STK40: variants seen among roughly 807,000 people sequenced by gnomAD.
STK40 encodes serine/threonine kinase 40.
A neutral mutation model predicts 47.9 loss-of-function variants in STK40; 13 were observed. That is an observed-to-expected ratio of 0.27 (90% CI 0.18 to 0.43). The LOEUF is 0.43. Ranked by LOEUF, STK40 falls within the 20% of genes least tolerant of loss-of-function variation. The pLI, the probability that STK40 is intolerant of heterozygous loss-of-function variation, is 1.00. For missense variants in STK40, 460 were observed against 595.1 expected, an observed-to-expected ratio of 0.77 and a Z score of 2.36; for synonymous variants, 225 against 243.2, an observed-to-expected ratio of 0.93 and a Z score of 0.69.
At chr1:36,356,718 C>A (rs1209718565) in intron 4 of STK40, among the ~76,000 whole-genome samples, 3 of 152,148 alleles carry the variant, frequency 2.0e-5, no homozygotes, top group Non-Finnish European at 4.4e-5. Context: ...AGCTACCTCG[C>A]CCGGCCTCCA....
chr1:36,363,028 C>T (rs1230131900), intron 1 of STK40, among the ~76,000 whole-genome samples: 1 of 152,152 alleles, frequency 6.6e-6, no homozygotes, highest in Non-Finnish European at 1.5e-5. Context: ...TGGTGGTGCA[C>T]ACCTGTAATC....
At position 36,341,746 on chromosome 1, in the gene STK40, C is replaced by G. The variant is rs1265730281; in HGVS notation, c.*9G>C. The stretch of plus-strand genomic sequence containing the variant: ...GTGGCAGCAGTGCTGGTGGCCCCGG[C>G]TGAGGCTGTTATTTCCGCAGGTAGC... On this transcript the variant is annotated 3_prime_UTR_variant, in exon 11 of 11. Coordinates refer to ENST00000373132, the MANE Select transcript of STK40 (RefSeq NM_001282547.2). 6.2e-7 allele frequency: 1 copy of G among 1,609,498 alleles called. No individual in the cohort carries two copies. Among genetic ancestry groups the G allele is most frequent in the Non-Finnish European group, 8.5e-7 (1 of 1,178,082 alleles).
At chr1:36,348,602 C>G (rs1372214561) in intron 7 of STK40, 98 bp downstream of exon 7, 1 of 1,095,200 alleles carries the variant, frequency 9.1e-7, no homozygotes, top group African/African-American at 1.6e-5. Context: ...GAAGCCCCAG[C>G]ACCTTGCCCA....
chr1:36,382,396 C>T (rs1368218837), intron 1 of STK40, among the ~76,000 whole-genome samples: 1 of 152,094 alleles, frequency 6.6e-6, no homozygotes, highest in East Asian at 1.9e-4. Context: ...CCAGACTGGT[C>T]TTGAACTCCT....
At chr1:36,356,893 G>T (rs1212500231) in intron 4 of STK40, among the ~76,000 whole-genome samples, 10 of 152,084 alleles carry the variant, frequency 6.6e-5, no homozygotes, top group African/African-American at 2.4e-4. Context: ...AAAATACCAA[G>T]AAACCACAAT....
chr1:36,379,508 G>C (rs1485854352), intron 1 of STK40, among the ~76,000 whole-genome samples: 1 of 151,682 alleles, frequency 6.6e-6, no homozygotes, highest in Non-Finnish European at 1.5e-5. Context: ...AGCCTCCCGA[G>C]TAGCTGGGAC....
At chr1:36,383,512 A>G (rs999581506) in intron 1 of STK40, among the ~76,000 whole-genome samples, 1 of 152,222 alleles carries the variant, frequency 6.6e-6, no homozygotes, top group African/African-American at 2.4e-5. Context: ...CCATCGCCCC[A>G]GCACCAACTC....
chr1:36,376,802 ATT>A (rs775004601), intron 1 of STK40, among the ~76,000 whole-genome samples: 10 of 144,780 alleles, frequency 6.9e-5, no homozygotes, highest in Non-Finnish European at 9.2e-5. Flanking sequence ...TCTAGAAGAA[ATT>A]TTTTTTTTTT....
intron 10 of STK40, 71 bp downstream of exon 10, chr1:36,343,293 C>G: frequency 6.5e-7 from 1 of 1,530,642 alleles, no homozygotes; most frequent in Admixed American, 1.9e-5. Flanking sequence ...CACCTCTGCC[C>G]TTGCCCTGCC....
intron 1 of STK40, among the ~76,000 whole-genome samples, chr1:36,369,935 CA>C (rs1463376567): frequency 2.0e-5 from 3 of 152,220 alleles, no homozygotes; most frequent in African/African-American, 7.2e-5. Context: ...GTGTGATTCA[CA>C]GGAAAACTCT....
intron 1 of STK40, chr1:36,367,845 T>G: frequency 5.1e-6 from 5 of 985,564 alleles, no homozygotes; most frequent in Non-Finnish European, 6.0e-6. Context: ...TGCTGGCAAT[T>G]ACCTACTTGA....
chr1:36,352,831 T>C (rs1382224635), intron 6 of STK40, among the ~76,000 whole-genome samples: 1 of 152,200 alleles, frequency 6.6e-6, no homozygotes, highest in Non-Finnish European at 1.5e-5. Flanking sequence ...CTCCAGAGGG[T>C]AGTGGGAACC....
At chr1:36,382,336 T>C (rs976236612) in intron 1 of STK40, among the ~76,000 whole-genome samples, 7 of 152,052 alleles carry the variant, frequency 4.6e-5, no homozygotes, top group Non-Finnish European at 1.0e-4. Flanking sequence ...CGTATGACCA[T>C]GCCCAGCTAA....
chr1:36,353,385 G>C (rs1244073502), intron 6 of STK40, among the ~76,000 whole-genome samples: 2 of 152,168 alleles, frequency 1.3e-5, no homozygotes, highest in Non-Finnish European at 2.9e-5. Flanking sequence ...GACAGTGGTA[G>C]CACTGTCCCA....
At chr1:36,366,280 C>A (rs150288399) in intron 1 of STK40, among the ~76,000 whole-genome samples, 3 of 152,128 alleles carry the variant, frequency 2.0e-5, no homozygotes, top group Non-Finnish European at 1.5e-5. Flanking sequence ...TCTCAGGATT[C>A]GACTCAAGCA....
At position 36,355,447 on chromosome 1, in the gene STK40, G is replaced by A; in HGVS notation, c.343-14C>T. 1.2e-6 allele frequency: 2 copies of A among 1,613,886 alleles called. No homozygotes were observed. Among genetic ancestry groups the A allele is most frequent in the Non-Finnish European group, 1.7e-6 (2 of 1,179,790 alleles). On this transcript the variant is annotated splice_polypyrimidine_tract_variant and intron_variant, in intron 4 of 10. Transcript: ENST00000373132. ...ACAGGTGCGGTCCTGGGAGGCAAGG[G>A]GGTAGCGCAGGGCTTGGCTGTGAAC...
At chr1:36,373,833 G>T (rs1466937653) in intron 1 of STK40, among the ~76,000 whole-genome samples, 1 of 152,196 alleles carries the variant, frequency 6.6e-6, no homozygotes, top group East Asian at 1.9e-4. Flanking sequence ...GCACTTTATT[G>T]CCTTGGGGGT....
chr1:36,381,154 A>T (rs917346967), intron 1 of STK40, among the ~76,000 whole-genome samples: 1 of 152,088 alleles, frequency 6.6e-6, no homozygotes, highest in African/African-American at 2.4e-5. Context: ...CCTTGCTGGG[A>T]TTACTGCAAC....
At chr1:36,342,279 C>T (rs1057220208) in intron 10 of STK40, 32 of 401,846 alleles carry the variant, frequency 8.0e-5, no homozygotes, top group African/African-American at 5.9e-4. Context: ...TGTCTGGCCC[C>T]TCGCAAAGGT....
Sources: gnomAD v4.1 joint callset for allele counts (sites outside exome capture counted in the v4.1 genomes callset) on GRCh38, gnomAD v4.1.1 for gene constraint, MANE v1.5 for transcripts, NCBI Gene and HGNC (gene_info 2026-07-23, HGNC 2026-07-21) for gene names.